The following OVOL1 variants were observed in gnomAD, a reference collection of about 807,000 sequenced individuals.
OVOL1 encodes putative transcription factor Ovo-like 1.
A neutral mutation model predicts 21.5 loss-of-function variants in OVOL1; 10 were observed. That is an observed-to-expected ratio of 0.46 (90% CI 0.29 to 0.79). OVOL1 has a LOEUF of 0.79. Ranked by LOEUF, OVOL1 falls within the 30% of genes least tolerant of loss-of-function variation. OVOL1 has a pLI of 0.10. For synonymous variants in OVOL1, 129 were observed against 150.3 expected (o/e 0.86, Z 1.03); for missense variants, 279 against 362.3 (o/e 0.77, Z 1.87).
chr11:65,788,065 T>C (rs945817930), intron 1 of OVOL1, among the ~76,000 whole-genome samples: 1 of 152,118 alleles, frequency 6.6e-6, no homozygotes, highest in Non-Finnish European at 1.5e-5. Context: ...TCCCGCGCAG[T>C]GAGCCGAGAC....
chr11:65,794,435 CCCT>C (rs1858086824), intron 2 of OVOL1, 100 bp from the exon 3 acceptor site: 2 of 1,231,654 alleles, frequency 1.6e-6, no homozygotes, highest in Non-Finnish European at 1.2e-6. Flanking sequence ...GTGGGCACCA[CCCT>C]CCTCAGGGAC....
At chr11:65,794,283 G>A in intron 2 of OVOL1, 35 bp downstream of exon 2, 3 of 1,563,542 alleles carry the variant, frequency 1.9e-6, no homozygotes, top group African/African-American at 1.3e-5. Context: ...AGGGCCGGGG[G>A]CGTGCATGTA....
rs2135706431 is a variant in OVOL1, at chr11:65,796,116, T to A, written c.*775T>A. The A allele has an allele frequency of 6.5e-6, 1 of 152,770 alleles. No homozygotes were observed. The allele number at this position is 152,770 out of a possible 1,614,324, so 9.5% of individuals were successfully genotyped here. A position where few individuals can be genotyped will look rare whatever the true frequency, so the allele number is the denominator to read the frequency against. ...TTTTAAGAGTGGGATGGAGCTGGCT[T>A]TTCTCCATTCCCGTGCGCTTCTATT... On this transcript the variant is annotated 3_prime_UTR_variant, in exon 4 of 4. Coordinates refer to ENST00000335987, the MANE Select transcript of OVOL1 (RefSeq NM_004561.4).
chr11:65,794,857 C>T, intron 3 of OVOL1, 130 bp downstream of exon 3: 1 of 1,045,036 alleles, frequency 9.6e-7, no homozygotes, highest in Non-Finnish European at 1.4e-6. Flanking sequence ...AGCTCAGGGC[C>T]AAAGTCCTCC....
At position 65,794,072 on chromosome 11, in the gene OVOL1, G is replaced by A; in HGVS notation, c.142G>A (p.Glu48Lys). 6.2e-7 allele frequency: 1 copy of A among 1,614,088 alleles called. No homozygotes were observed. The highest frequency in any genetic ancestry group is 8.5e-7 in the Non-Finnish European group (1 of 1,180,028). ...CCCACCACAGCCCTACCGGGAGCCG[G>A]AACCCTCTGTGGCCGAACCCCCTTC... ...FCPPQPYREPEPSVAEPPSCP... is the reference protein window; with the variant it reads ...FCPPQPYREPKPSVAEPPSCP... Residue 48 changes from glutamate (E) to lysine (K), a missense_variant, in exon 2 of 4, where the codon GAA becomes AAA. Physicochemically the swap from Glu to Lys is moderately conservative, Grantham distance 56. Transcript: ENST00000335987.
chr11:65,792,766 G>A (rs145002853), intron 1 of OVOL1, among the ~76,000 whole-genome samples: 1 of 152,352 alleles, frequency 6.6e-6, no homozygotes, highest in African/African-American at 2.4e-5. Flanking sequence ...TTGAGGGGGC[G>A]AGAGCTGGGG....
chr11:65,791,745 C>T (rs994800084), intron 1 of OVOL1, among the ~76,000 whole-genome samples: 1 of 152,242 alleles, frequency 6.6e-6, no homozygotes, highest in African/African-American at 2.4e-5. Context: ...GGAAGAGGGC[C>T]AAGCTAGTTT....
intron 1 of OVOL1, chr11:65,789,014 G>C: frequency 1.0e-6 from 1 of 985,612 alleles, no homozygotes; most frequent in Non-Finnish European, 1.2e-6. Context: ...CTGCTTAGCT[G>C]CTCCTTGGGA....
Position 65,794,729 on chromosome 11 carries a change from T to C in OVOL1, c.508+2T>C, listed in dbSNP as rs1184456144. ...AGAGACACGTCCGAACTCACACTGG[T>C]AAGTGGAAGCCCACGGCTGGGAGGA... On this transcript the variant is annotated splice_donor_variant, in intron 3 of 3. Transcript: ENST00000335987. LOFTEE classifies it high-confidence loss of function. 1 of 1,612,838 alleles carries C rather than the reference T, an allele frequency of 6.2e-7. No individual in the cohort carries two copies. The highest frequency in any genetic ancestry group is 1.7e-5 in the Admixed American group (1 of 59,996).
Position 65,794,565 on chromosome 11 carries a change from G to T in OVOL1, c.346G>T (p.Asp116Tyr). ...KVTLGDSPSG[D>Y]LFTCRVCQKA... ...GACCCTTGGGGACAGTCCCAGTGGA[G>T]ACCTGTTCACCTGCCGTGTCTGCCA... The change falls in exon 3 of 4, where the codon GAC (aspartate) becomes TAC (tyrosine). Residue 116 changes from aspartate (D) to tyrosine (Y), a missense_variant. Coordinates refer to ENST00000335987, the MANE Select transcript of OVOL1 (RefSeq NM_004561.4). 1 of 1,613,408 alleles carries T rather than the reference G, an allele frequency of 6.2e-7. No homozygotes were observed. Among genetic ancestry groups the T allele is most frequent in the Non-Finnish European group, 8.5e-7 (1 of 1,180,030 alleles).
chr11:65,789,165 G>A (rs1215865467), intron 1 of OVOL1: 7 of 709,476 alleles, frequency 9.9e-6, no homozygotes, highest in African/African-American at 7.7e-5. Context: ...AAGAAATTCC[G>A]TTGGTTGAAA....
Position 65,794,746 on chromosome 11 carries a change from C to A in OVOL1, c.508+19C>A. 1 of 1,609,698 alleles carries A rather than the reference C, an allele frequency of 6.2e-7. No individual in the cohort carries two copies. The highest frequency in any genetic ancestry group is 8.5e-7 in the Non-Finnish European group (1 of 1,177,112). ...CACACTGGTAAGTGGAAGCCCACGG[C>A]TGGGAGGAGCACGCCGGATCCGCCT... On this transcript the variant is annotated intron_variant, in intron 3 of 3. Coordinates refer to ENST00000335987, the MANE Select transcript of OVOL1 (RefSeq NM_004561.4).
rs1389512273 is a variant in OVOL1 at position 65,796,158 on chromosome 11, A to G, written c.*817A>G. ...GCTTCTATTTATCCTGGACATTTCAAACCTCCTCTGTGCCTTGGCTCTGGG... is the reference window on the plus strand; with the variant it reads ...GCTTCTATTTATCCTGGACATTTCAGACCTCCTCTGTGCCTTGGCTCTGGG... On this transcript the variant is annotated 3_prime_UTR_variant, in exon 4 of 4. Coordinates refer to ENST00000335987, the MANE Select transcript of OVOL1 (RefSeq NM_004561.4). 2 of 152,504 alleles carry G rather than the reference A, an allele frequency of 1.3e-5. No homozygotes were observed. The highest frequency in any genetic ancestry group is 4.8e-5 in the African/African-American group (2 of 41,402). The allele number at this position is 152,504 out of a possible 1,614,324, so 9.4% of individuals were successfully genotyped here. A position where few individuals can be genotyped will look rare whatever the true frequency, so the allele number is the denominator to read the frequency against.
chr11:65,794,844 C>A, intron 3 of OVOL1, 117 bp downstream of exon 3: 1 of 1,145,104 alleles, frequency 8.7e-7, no homozygotes, highest in Non-Finnish European at 1.3e-6. Context: ...GAGGGCATCC[C>A]GGAGCTCAGG....
At chr11:65,793,946 C>T in intron 1 of OVOL1, 85 bp from the exon 2 acceptor site, 1 of 1,070,424 alleles carries the variant, frequency 9.3e-7, no homozygotes. Flanking sequence ...CAGGTTCCAG[C>T]CGTCTCATGG....
At chr11:65,793,926 A>G in intron 1 of OVOL1, 105 bp from the exon 2 acceptor site, 1 of 825,866 alleles carries the variant, frequency 1.2e-6, no homozygotes, top group Non-Finnish European at 2.0e-6. Context: ...GATGGGAGGG[A>G]CGGAGTCTCC....
At chr11:65,791,142 C>T (rs776709577) in intron 1 of OVOL1, among the ~76,000 whole-genome samples, 1 of 152,226 alleles carries the variant, frequency 6.6e-6, no homozygotes. Flanking sequence ...CTGTCTGAGG[C>T]GACCTGTGGC....
In OVOL1 at chr11:65,794,203, A is replaced by G. The variant is rs369356213; in HGVS notation, c.273A>G (p.Thr91=). 1.9e-6 allele frequency: 3 copies of G among 1,613,516 alleles called. No homozygotes were observed. Among genetic ancestry groups the G allele is most frequent in the African/African-American group, 1.3e-5 (1 of 75,066 alleles). Residue 91 remains threonine, a synonymous_variant, in exon 2 of 4, where the codon ACA becomes ACG. Coordinates refer to ENST00000335987, the MANE Select transcript of OVOL1 (RefSeq NM_004561.4). The part of the protein sequence containing the change: ...QLPSEDMGHL[T]DPQSRDHGFL... ...CCTCTGAAGACATGGGCCACTTGAC[A>G]GACCCCCAGAGCAGAGACCATGGCT...
chr11:65,793,675 C>A, intron 1 of OVOL1: 1 of 341,268 alleles, frequency 2.9e-6, no homozygotes, highest in Non-Finnish European at 5.5e-6. Context: ...TCCACTGGTG[C>A]CCTTTGTCCC....
Sources: allele counts gnomAD v4.1 joint callset (sites outside exome capture counted in the v4.1 genomes callset), GRCh38; gene constraint gnomAD v4.1.1; transcripts MANE v1.5; gene names NCBI Gene and HGNC (gene_info 2026-07-23, HGNC 2026-07-21).